The following MARCHF1 variants were observed in gnomAD, a reference collection of about 807,000 sequenced individuals.
MARCHF1 encodes the protein membrane associated ring-CH-type finger 1.
A neutral mutation model predicts 54.2 loss-of-function variants in MARCHF1; 40 were observed. That is an observed-to-expected ratio of 0.74 (90% CI 0.57 to 0.96). The LOEUF is 0.96. MARCHF1 is among the 40% of genes least tolerant of loss of function. The pLI is 0.00. For missense variants in MARCHF1, 586 were observed against 656.5 expected, an observed-to-expected ratio of 0.89 and a Z score of 1.17; for synonymous variants, 236 against 236.3, an observed-to-expected ratio of 1.00 and a Z score of 0.01.
At chr4:164,105,028 G>A (rs1158457143) in intron 2 of MARCHF1, among the ~76,000 whole-genome samples, 2 of 45,768 alleles carry the variant, frequency 4.4e-5, no homozygotes, top group East Asian at 3.4e-4. Context: ...GCTTCAAAGA[G>A]AATAAAATAC....
intron 3 of MARCHF1, among the ~76,000 whole-genome samples, chr4:163,883,885 G>A (rs1283148579): frequency 6.6e-6 from 1 of 152,094 alleles, no homozygotes; most frequent in African/African-American, 2.4e-5. Context: ...CATTCAATAA[G>A]TCTATCACAA....
chr4:163,632,465 T>C (rs1362668327), intron 5 of MARCHF1, among the ~76,000 whole-genome samples: 1 of 152,150 alleles, frequency 6.6e-6, no homozygotes, highest in African/African-American at 2.4e-5. Flanking sequence ...TTCCCTTTCC[T>C]AATCAAAGAA....
intron 3 of MARCHF1, among the ~76,000 whole-genome samples, chr4:163,878,795 C>G (rs1221282592): frequency 6.6e-6 from 1 of 151,978 alleles, no homozygotes; most frequent in Non-Finnish European, 1.5e-5. Flanking sequence ...TTTTTTGTAC[C>G]AGCAATTACA....
At chr4:163,946,405 T>C (rs1283596936) in intron 3 of MARCHF1, among the ~76,000 whole-genome samples, 2 of 152,130 alleles carry the variant, frequency 1.3e-5, no homozygotes, top group East Asian at 1.9e-4. Flanking sequence ...CTCTCTATAG[T>C]CCTGATTTTC....
intron 8 of MARCHF1, among the ~76,000 whole-genome samples, chr4:163,553,463 A>T (rs1275690732): frequency 2.0e-5 from 3 of 152,216 alleles, no homozygotes. Flanking sequence ...ACTGAGTCTC[A>T]TATGTCTCAT....
At chr4:163,834,270 A>G (rs527894326) in intron 4 of MARCHF1, among the ~76,000 whole-genome samples, 105 of 151,812 alleles carry the variant, frequency 6.9e-4, no homozygotes, top group Admixed American at 2.0e-3. Context: ...GTGCCTGACA[A>G]AAACCTGCCA....
rs567500838 is a variant in MARCHF1, at chr4:163,738,042, A to G, written c.112-37179T>C. 5.3e-5 allele frequency among the ~76,000 whole-genome samples: 8 copies of G among 152,322 alleles called. No individual in the cohort carries two copies. The South Asian group carries it at 1.2e-3, about 24-fold the overall frequency. The stretch of plus-strand genomic sequence containing the variant: ...GGCTTCCTGGTGGTCTGGATGTTGG[A>G]TGCGTTGAAGAGGACATGGTAGGGT... On this transcript the variant is annotated intron_variant, in intron 4 of 9. Coordinates refer to ENST00000514618, the MANE Select transcript of MARCHF1 (RefSeq NM_001394959.1).
chr4:163,717,997 A>G (rs1745320027), intron 4 of MARCHF1, among the ~76,000 whole-genome samples: 1 of 152,196 alleles, frequency 6.6e-6, no homozygotes, highest in Non-Finnish European at 1.5e-5. Context: ...AAATAATGCC[A>G]CATAGCTACA....
intron 1 of MARCHF1, among the ~76,000 whole-genome samples, chr4:164,213,203 T>A (rs895952435): frequency 2.1e-5 from 3 of 141,782 alleles, no homozygotes; most frequent in Admixed American, 7.1e-5. Context: ...GGCTTTTACT[T>A]TTATTATTAT....
intron 8 of MARCHF1, among the ~76,000 whole-genome samples, chr4:163,552,842 G>A (rs750940326): frequency 6.6e-6 from 1 of 152,070 alleles, no homozygotes; most frequent in Non-Finnish European, 1.5e-5. Context: ...GACCATCCTG[G>A]CCAACGTGGT....
At chr4:163,978,933 C>T (rs1224636067) in intron 3 of MARCHF1, among the ~76,000 whole-genome samples, 2 of 151,330 alleles carry the variant, frequency 1.3e-5, no homozygotes, top group Non-Finnish European at 2.9e-5. Context: ...CATTATGTTG[C>T]CGGCGATGCT....
chr4:164,017,492 C>A (rs1485775208), intron 2 of MARCHF1, among the ~76,000 whole-genome samples: 1 of 151,848 alleles, frequency 6.6e-6, no homozygotes, highest in Non-Finnish European at 1.5e-5. Context: ...AACCAATATG[C>A]AAGATGTCAA....
At chr4:164,285,963 T>C (rs576277773) in intron 1 of MARCHF1, among the ~76,000 whole-genome samples, 6 of 152,280 alleles carry the variant, frequency 3.9e-5, no homozygotes, top group African/African-American at 9.6e-5. Context: ...GGTCTCATCT[T>C]ACCCCTTCAG....
chr4:163,781,921 T>C (rs1747476607), intron 4 of MARCHF1, among the ~76,000 whole-genome samples: 1 of 152,180 alleles, frequency 6.6e-6, no homozygotes, highest in Non-Finnish European at 1.5e-5. Flanking sequence ...CTAAGAAAAC[T>C]GCCTGAGGCA....
chr4:163,734,310 T>C (rs1223590699), intron 4 of MARCHF1, among the ~76,000 whole-genome samples: 1 of 152,176 alleles, frequency 6.6e-6, no homozygotes. Context: ...TATGATTTAG[T>C]CATTCTATTC....
At chr4:164,323,453 T>C (rs891728377) in intron 1 of MARCHF1, among the ~76,000 whole-genome samples, 5 of 151,508 alleles carry the variant, frequency 3.3e-5, no homozygotes, top group Non-Finnish European at 5.9e-5. Flanking sequence ...GAAATGTTAA[T>C]TACACTTATT....
chr4:164,175,387 A>G (rs1730636939), intron 1 of MARCHF1, among the ~76,000 whole-genome samples: 2 of 152,166 alleles, frequency 1.3e-5, no homozygotes, highest in African/African-American at 4.8e-5. Flanking sequence ...TAATGGTAAA[A>G]TTGAGGTCTT....
intron 3 of MARCHF1, among the ~76,000 whole-genome samples, chr4:163,917,450 C>T (rs1442787017): frequency 6.6e-6 from 1 of 152,050 alleles, no homozygotes; most frequent in Non-Finnish European, 1.5e-5. Context: ...CAGATTTTGG[C>T]CTTTCTAATA....
chr4:163,780,267 AG>A, intron 4 of MARCHF1, among the ~76,000 whole-genome samples: 1 of 152,348 alleles, frequency 6.6e-6, no homozygotes, highest in South Asian at 2.1e-4. Flanking sequence ...CTGTGACAAT[AG>A]AAAGAAAAGG....
Sources: gnomAD v4.1 joint callset for allele counts (sites outside exome capture counted in the v4.1 genomes callset) on GRCh38, gnomAD v4.1.1 for gene constraint, MANE v1.5 for transcripts, NCBI Gene and HGNC (gene_info 2026-07-23, HGNC 2026-07-21) for gene names.